SCFD2: variants seen among roughly 807,000 people sequenced by gnomAD.
The protein encoded by SCFD2 is sec1 family domain-containing protein 2.
Under a neutral mutation model 58.9 loss-of-function variants are expected in SCFD2, and 54 were observed. The ratio of observed to expected loss-of-function variants is 0.92; its 90% confidence interval spans 0.74 to 1.15. The LOEUF is 1.15. SCFD2 is among the 50% of genes most tolerant of loss of function. The probability of loss-of-function intolerance (pLI) is 0.00; values close to 1 mark genes in which losing one functional copy is unlikely to be tolerated. For synonymous variants in SCFD2, 321 were observed against 335.9 expected (o/e 0.96, Z 0.49); for missense variants, 805 against 836.6 (o/e 0.96, Z 0.47).
At chr4:53,249,587 T>C (rs138284008) in intron 4 of SCFD2, among the ~76,000 whole-genome samples, 4,206 of 152,268 alleles carry the variant, frequency 0.028, 96 homozygotes, top group Non-Finnish European at 0.045. Context: ...GGGAAGCCCA[T>C]CAGACTCACA....
intron 5 of SCFD2, among the ~76,000 whole-genome samples, chr4:53,096,998 C>T (rs560270013): frequency 4.6e-5 from 7 of 152,236 alleles, no homozygotes; most frequent in Non-Finnish European, 1.0e-4. Flanking sequence ...TTGTTTTTGT[C>T]AGGTTTGTCA....
At chr4:53,297,340 T>G (rs1174221539) in intron 3 of SCFD2, among the ~76,000 whole-genome samples, 2 of 152,216 alleles carry the variant, frequency 1.3e-5, no homozygotes, top group African/African-American at 4.8e-5. Flanking sequence ...TACATATATA[T>G]TTACTATAGT....
chr4:53,116,850 T>C (rs1725336119), intron 5 of SCFD2, among the ~76,000 whole-genome samples: 1 of 152,350 alleles, frequency 6.6e-6, no homozygotes, highest in African/African-American at 2.4e-5. Context: ...GGCAGATGGA[T>C]GTTAACATAT....
chr4:53,256,119 C>T (rs1228068910), intron 4 of SCFD2, among the ~76,000 whole-genome samples: 16 of 151,788 alleles, frequency 1.1e-4, no homozygotes, highest in Non-Finnish European at 1.9e-4. Flanking sequence ...ACGCTCCTCA[C>T]TTCCCAGACG....
chr4:53,215,091 C>T (rs555256057), intron 4 of SCFD2, among the ~76,000 whole-genome samples: 1 of 152,192 alleles, frequency 6.6e-6, no homozygotes, highest in Admixed American at 6.5e-5. Context: ...TAGCTTGATG[C>T]CTCAAGCTTT....
At chr4:53,087,026 G>A (rs1340880015) in intron 5 of SCFD2, among the ~76,000 whole-genome samples, 2 of 152,266 alleles carry the variant, frequency 1.3e-5, no homozygotes, top group South Asian at 2.1e-4. Flanking sequence ...GGAAAAGTAT[G>A]ACTGGATTGT....
chr4:53,322,117 A>C (rs1733042703), intron 2 of SCFD2, among the ~76,000 whole-genome samples: 1 of 152,228 alleles, frequency 6.6e-6, no homozygotes, highest in Non-Finnish European at 1.5e-5. Flanking sequence ...AATAAGGCTA[A>C]GACCTGCTGG....
intron 4 of SCFD2, among the ~76,000 whole-genome samples, chr4:53,190,358 G>A (rs114002227): frequency 0.018 from 2,777 of 152,160 alleles, 90 homozygotes; most frequent in African/African-American, 0.063. Context: ...TGCCTGCTGT[G>A]CTCCAGCCAC....
intron 4 of SCFD2, among the ~76,000 whole-genome samples, chr4:53,248,716 A>G (rs374344273): frequency 1.4e-4 from 21 of 152,294 alleles, no homozygotes; most frequent in African/African-American, 5.1e-4. Context: ...GACCTCTAGC[A>G]AACTCCAACA....
chr4:52,981,331 G>A (rs1721371077), intron 5 of SCFD2, among the ~76,000 whole-genome samples: 1 of 152,130 alleles, frequency 6.6e-6, no homozygotes, highest in African/African-American at 2.4e-5. Context: ...CTCCTGCCCT[G>A]CTTTAATTTT....
chr4:53,228,287 G>C (rs536149301), intron 4 of SCFD2, among the ~76,000 whole-genome samples: 12 of 152,150 alleles, frequency 7.9e-5, no homozygotes, highest in Non-Finnish European at 1.8e-4. Context: ...AAAAATGGGA[G>C]TGGTGTGGTG....
chr4:53,198,552 C>A (rs1728127834), intron 4 of SCFD2, among the ~76,000 whole-genome samples: 1 of 151,950 alleles, frequency 6.6e-6, no homozygotes, highest in African/African-American at 2.4e-5. Context: ...AGTTTCAGTA[C>A]TTCAAGTTAT....
intron 4 of SCFD2, among the ~76,000 whole-genome samples, chr4:53,233,679 C>T (rs906481828): frequency 1.2e-4 from 18 of 152,132 alleles, no homozygotes; most frequent in African/African-American, 4.3e-4. Context: ...CTACCCTGGG[C>T]AAAGGAACAA....
intron 4 of SCFD2, among the ~76,000 whole-genome samples, chr4:53,225,083 A>G (rs1729163441): frequency 6.6e-6 from 1 of 152,190 alleles, no homozygotes; most frequent in Non-Finnish European, 1.5e-5. Context: ...AATAAAAACC[A>G]TAAGGAAAAT....
Position 53,159,772 on chromosome 4 carries a change from C to T in SCFD2, c.1312-14190G>A, listed in dbSNP as rs554216345. Among the ~76,000 whole-genome samples, 29 of 152,324 alleles carry T rather than the reference C, an allele frequency of 1.9e-4. No individual in the cohort carries two copies. In the East Asian group the frequency reaches 5.4e-3, roughly 28 times the overall value. ...CCAGGATGTCACCATGCCATGACCA[C>T]CCCCTTCAGAAGCCCTAGTGACAGC... On this transcript the variant is annotated intron_variant, in intron 4 of 8. Transcript: ENST00000401642.
chr4:53,278,312 T>C (rs1205431242), intron 3 of SCFD2, among the ~76,000 whole-genome samples: 8 of 150,446 alleles, frequency 5.3e-5, no homozygotes, highest in East Asian at 3.9e-4. Flanking sequence ...TAAGCCGAGA[T>C]TGCACCACTG....
At chr4:52,985,624 C>T (rs546700406) in intron 5 of SCFD2, among the ~76,000 whole-genome samples, 1 of 135,462 alleles carries the variant, frequency 7.4e-6, no homozygotes, top group South Asian at 2.4e-4. Flanking sequence ...ATCTGAAAAA[C>T]TTCCTTTGGA....
At chr4:52,978,453 T>C (rs1273676817) in intron 5 of SCFD2, among the ~76,000 whole-genome samples, 3 of 152,172 alleles carry the variant, frequency 2.0e-5, no homozygotes. Flanking sequence ...TGAAGTAATG[T>C]ATCTTTCAGG....
Position 53,299,567 on chromosome 4 carries a change from C to T in SCFD2, c.1135+14069G>A, listed in dbSNP as rs542997847. ...AACTTCCCCAATCTAGCAAGGCAGG[C>T]CAACATTCAAATTCAGGAAATACAG... is the stretch of plus-strand genomic sequence containing the variant. On this transcript the variant is annotated intron_variant, in intron 3 of 8. Coordinates refer to ENST00000401642, the MANE Select transcript of SCFD2 (RefSeq NM_152540.4). 5.1e-4 allele frequency among the ~76,000 whole-genome samples: 78 copies of T among 151,896 alleles called. 1 individual carries two copies. Among genetic ancestry groups the T allele is most frequent in the South Asian group, 5.0e-3 (24 of 4,816 alleles).
Sources: gnomAD v4.1 joint callset for allele counts (sites outside exome capture counted in the v4.1 genomes callset) on GRCh38, gnomAD v4.1.1 for gene constraint, MANE v1.5 for transcripts, NCBI Gene and HGNC (gene_info 2026-07-23, HGNC 2026-07-21) for gene names.